The following DPP10 variants were observed in gnomAD, a reference collection of about 807,000 sequenced individuals.
The protein encoded by DPP10 is dipeptidyl peptidase like 10.
DPP10 carries 33 observed loss-of-function variants against 120.9 expected under a neutral mutation model. That is an observed-to-expected ratio of 0.27 (90% confidence interval 0.21 to 0.37). The LOEUF (loss-of-function observed/expected upper bound fraction) is 0.37. Among genes scored for constraint, DPP10 ranks in the 10% least tolerant of loss-of-function variants. DPP10 has a pLI of 1.00. For missense variants in DPP10, 816 were observed against 942.8 expected (o/e 0.87, Z 1.76); for synonymous variants, 337 against 326.1 (o/e 1.03, Z -0.36).
intron 5 of DPP10, among the ~76,000 whole-genome samples, chr2:115,583,898 A>C (rs908002473): frequency 1.3e-5 from 2 of 152,242 alleles, no homozygotes; most frequent in African/African-American, 4.8e-5. Context: ...AGTGATGAGC[A>C]TTAGAAGATG....
At chr2:115,589,335 G>A (rs1421902643) in intron 5 of DPP10, among the ~76,000 whole-genome samples, 2 of 151,950 alleles carry the variant, frequency 1.3e-5, no homozygotes, top group Admixed American at 6.6e-5. Flanking sequence ...AAATGTTTGG[G>A]GAATAAAGAA....
intron 3 of DPP10, among the ~76,000 whole-genome samples, chr2:115,392,773 T>C (rs1436596177): frequency 6.6e-6 from 1 of 152,164 alleles, no homozygotes; most frequent in Non-Finnish European, 1.5e-5. Context: ...TTTAGACAGA[T>C]TAATTCTTTA....
intron 5 of DPP10, among the ~76,000 whole-genome samples, chr2:115,674,400 A>T (rs2090123555): frequency 6.6e-6 from 1 of 151,482 alleles, no homozygotes; most frequent in Admixed American, 6.6e-5. Flanking sequence ...TTTTTTTTTA[A>T]GATTTTTTTC....
rs1690624228 is a variant in DPP10 at position 114,870,696 on chromosome 2, A to C, written c.60+427858A>C. Among the ~76,000 whole-genome samples, 3 of 136,408 alleles carry C rather than the reference A, an allele frequency of 2.2e-5. 1 individual carries two copies. 89.5% of individuals were successfully genotyped at this position (136,408 alleles called of 152,430 possible). Reference sequence around the variant, plus strand: ...GGATGAGTTTCTGTTTTTACTAAAAAAAATGATTCCAATGGTCAGGTAAGA... The same window carrying C: ...GGATGAGTTTCTGTTTTTACTAAAACAAATGATTCCAATGGTCAGGTAAGA... On this transcript the variant is annotated intron_variant, in intron 1 of 25. Coordinates refer to ENST00000410059, the MANE Select transcript of DPP10 (RefSeq NM_020868.6).
chr2:114,922,369 A>G (rs907689259), intron 1 of DPP10, among the ~76,000 whole-genome samples: 1 of 152,172 alleles, frequency 6.6e-6, no homozygotes, highest in Non-Finnish European at 1.5e-5. Flanking sequence ...CTGGAGTCCA[A>G]TGGCATGAAC....
At chr2:115,456,909 C>A (rs956101938) in intron 3 of DPP10, among the ~76,000 whole-genome samples, 10 of 151,984 alleles carry the variant, frequency 6.6e-5, no homozygotes, top group African/African-American at 2.4e-4. Flanking sequence ...CATGGCACAT[C>A]TATACCTGTG....
intron 1 of DPP10, among the ~76,000 whole-genome samples, chr2:114,468,588 T>G (rs984793821): frequency 1.3e-5 from 2 of 152,172 alleles, no homozygotes; most frequent in African/African-American, 4.8e-5. Context: ...AAAAGACCAT[T>G]TAGCCTTAAT....
In DPP10 at chr2:115,275,021, G is replaced by A. The variant is rs529139859; in HGVS notation, c.61-34218G>A. The stretch of plus-strand genomic sequence containing the variant: ...ATAGTCCATGGCATCTTGACAAGGT[G>A]TTATGAACCAGAGAGGAAAGGTCAA... On this transcript the variant is annotated intron_variant, in intron 1 of 25. Transcript: ENST00000410059. 2.0e-5 allele frequency among the ~76,000 whole-genome samples: 3 copies of A among 152,296 alleles called. No homozygotes were observed. In the East Asian group the frequency reaches 5.8e-4, roughly 29 times the overall value.
chr2:114,913,823 G>A (rs1238820666), intron 1 of DPP10, among the ~76,000 whole-genome samples: 1 of 152,294 alleles, frequency 6.6e-6, no homozygotes, highest in East Asian at 1.9e-4. Context: ...AGGGAATCCA[G>A]TGAAATGACA....
intron 1 of DPP10, among the ~76,000 whole-genome samples, chr2:115,135,075 C>T (rs940458103): frequency 6.6e-6 from 1 of 151,916 alleles, no homozygotes; most frequent in East Asian, 1.9e-4. Context: ...AAGGCTTCCA[C>T]CTATTAGCTC....
At chr2:115,295,486 C>T (rs139883362) in intron 1 of DPP10, among the ~76,000 whole-genome samples, 76 of 152,076 alleles carry the variant, frequency 5.0e-4, no homozygotes, top group African/African-American at 1.6e-3. Flanking sequence ...GGCTAATAAC[C>T]GTCACAGAGT....
intron 1 of DPP10, among the ~76,000 whole-genome samples, chr2:115,270,437 G>T (rs2059651188): frequency 6.6e-6 from 1 of 152,084 alleles, no homozygotes; most frequent in Admixed American, 6.6e-5. Context: ...ATTGAGCTAT[G>T]GGGGTTACCC....
intron 1 of DPP10, among the ~76,000 whole-genome samples, chr2:115,080,926 GA>G (rs1227181683): frequency 6.6e-6 from 1 of 152,166 alleles, no homozygotes; most frequent in Non-Finnish European, 1.5e-5. Flanking sequence ...GTGCATTAAA[GA>G]GATTATTCCA....
chr2:114,546,048 C>T (rs575036681), intron 1 of DPP10, among the ~76,000 whole-genome samples: 47 of 152,172 alleles, frequency 3.1e-4, no homozygotes, highest in African/African-American at 1.0e-3. Context: ...TCCTCTGTCC[C>T]CACCCACACT....
intron 1 of DPP10, among the ~76,000 whole-genome samples, chr2:114,472,658 T>C (rs56662536): frequency 0.062 from 9,379 of 152,196 alleles, 489 homozygotes; most frequent in African/African-American, 0.14. Flanking sequence ...GGTAAAGAGG[T>C]TGTCAGACTT....
At chr2:115,644,285 T>G (rs1404075039) in intron 5 of DPP10, among the ~76,000 whole-genome samples, 2 of 152,072 alleles carry the variant, frequency 1.3e-5, no homozygotes, top group East Asian at 3.9e-4. Context: ...TTACGTTAGG[T>G]ATATCTCCTA....
chr2:114,961,045 T>A, intron 1 of DPP10, among the ~76,000 whole-genome samples: 1 of 107,064 alleles, frequency 9.3e-6, no homozygotes, highest in Admixed American at 9.6e-5. Flanking sequence ...TTTTTTTTTT[T>A]TTTTTTTTTT....
In DPP10 at chr2:114,640,029, A is replaced by G. The variant is rs1422987347; in HGVS notation, c.60+197191A>G. On this transcript the variant is annotated intron_variant, in intron 1 of 25. Coordinates refer to ENST00000410059, the MANE Select transcript of DPP10 (RefSeq NM_020868.6). The stretch of plus-strand genomic sequence containing the variant: ...AACAAGACTAAATGATAGAAGATAA[A>G]TGAGACAAATAGGATGTAGTTACCA... 3.9e-5 allele frequency among the ~76,000 whole-genome samples: 6 copies of G among 151,960 alleles called. No individual in the cohort carries two copies. The East Asian group carries it at 1.2e-3, about 29-fold the overall frequency.
At chr2:115,604,937 G>T (rs561953714) in intron 5 of DPP10, among the ~76,000 whole-genome samples, 1 of 152,176 alleles carries the variant, frequency 6.6e-6, no homozygotes, top group East Asian at 1.9e-4. Context: ...ATTTTCAGTT[G>T]CATTTTACTC....
Sources: gnomAD v4.1 joint callset for allele counts (sites outside exome capture counted in the v4.1 genomes callset) on GRCh38, gnomAD v4.1.1 for gene constraint, MANE v1.5 for transcripts, NCBI Gene and HGNC (gene_info 2026-07-23, HGNC 2026-07-21) for gene names.